MACROD2: variants seen among roughly 807,000 people sequenced by gnomAD.
MACROD2 encodes the protein ADP-ribose glycohydrolase MACROD2.
In MACROD2, 36 loss-of-function variants were observed where a neutral mutation model predicts 70.4. That is an observed-to-expected ratio of 0.51 (90% CI 0.39 to 0.68). The LOEUF is 0.68. MACROD2 is among the 30% of genes least tolerant of loss of function. The pLI is 0.00. For missense variants in MACROD2, 496 were observed against 538.4 expected (o/e 0.92, Z 0.78); for synonymous variants, 172 against 178.8 (o/e 0.96, Z 0.30).
chr20:15,717,674 G>A (rs2050725257), intron 8 of MACROD2, among the ~76,000 whole-genome samples: 1 of 152,180 alleles, frequency 6.6e-6, no homozygotes, highest in South Asian at 2.1e-4. Context: ...GGAGGAGAAA[G>A]AAGAAAGGGT....
intron 4 of MACROD2, among the ~76,000 whole-genome samples, chr20:14,585,385 C>A (rs1202151765): frequency 1.3e-5 from 2 of 152,028 alleles, no homozygotes; most frequent in African/African-American, 2.4e-5. Flanking sequence ...AAAATTAAGC[C>A]TTTTAGAATC....
intron 7 of MACROD2, among the ~76,000 whole-genome samples, chr20:15,445,512 G>A (rs1258005125): frequency 1.3e-5 from 2 of 152,142 alleles, no homozygotes; most frequent in Non-Finnish European, 2.9e-5. Flanking sequence ...GTGAAGTTAT[G>A]TGTTGTAAGA....
intron 8 of MACROD2, among the ~76,000 whole-genome samples, chr20:15,672,904 A>C (rs2050001197): frequency 6.6e-6 from 1 of 152,072 alleles, no homozygotes; most frequent in Non-Finnish European, 1.5e-5. Context: ...TGTTCTTGTG[A>C]CAGTGAATAG....
chr20:15,644,752 C>T lies in MACROD2; in HGVS notation c.645+144905C>T, dbSNP rs187225196. The stretch of plus-strand genomic sequence containing the variant: ...TTGCCTAGGCTGGAGTACAATGGCA[C>T]GGTCTCGGCTCAGTGCAACCTCCGC... On this transcript the variant is annotated intron_variant, in intron 8 of 17. Coordinates refer to ENST00000684519, the MANE Select transcript of MACROD2 (RefSeq NM_001351661.2). 6.6e-5 allele frequency among the ~76,000 whole-genome samples: 10 copies of T among 152,236 alleles called. No individual in the cohort carries two copies. In the East Asian group the frequency reaches 1.4e-3, roughly 21 times the overall value.
intron 3 of MACROD2, among the ~76,000 whole-genome samples, chr20:14,180,160 T>C (rs1441808356): frequency 6.6e-6 from 1 of 152,054 alleles, no homozygotes; most frequent in Non-Finnish European, 1.5e-5. Flanking sequence ...ATTTCTGTTC[T>C]CTAGACTGTT....
chr20:14,858,840 TA>T lies in MACROD2; in HGVS notation c.418+173883del, dbSNP rs1255581353. Among the ~76,000 whole-genome samples, 5 of 152,260 alleles carry T rather than the reference TA, an allele frequency of 3.3e-5. No individual in the cohort carries two copies. In the East Asian group the frequency reaches 9.7e-4, roughly 29 times the overall value. ...AGTTCATCTGTCTGTAAAATGGTGA[TA>T]ATAGTAGTACTCACCTCAAAGGTTG... On this transcript the variant is annotated intron_variant, in intron 5 of 17. Coordinates refer to ENST00000684519, the MANE Select transcript of MACROD2 (RefSeq NM_001351661.2).
intron 5 of MACROD2, among the ~76,000 whole-genome samples, chr20:14,968,344 T>A (rs563972355): frequency 6.6e-6 from 1 of 152,268 alleles, no homozygotes; most frequent in South Asian, 2.1e-4. Flanking sequence ...TGGTCCTTTC[T>A]CAATTTGTCA....
chr20:14,357,416 GAT>G (rs993037849), intron 3 of MACROD2, among the ~76,000 whole-genome samples: 32 of 152,204 alleles, frequency 2.1e-4, no homozygotes, highest in African/African-American at 6.3e-4. Flanking sequence ...TAAATGAAAA[GAT>G]AAACTTTTTT....
intron 6 of MACROD2, among the ~76,000 whole-genome samples, chr20:15,359,045 TA>T (rs985192375): frequency 2.0e-5 from 3 of 152,152 alleles, no homozygotes; most frequent in African/African-American, 7.2e-5. Flanking sequence ...AATTTTATGT[TA>T]GGGGCCTACG....
chr20:14,321,357 TC>T (rs2082658941), intron 3 of MACROD2, among the ~76,000 whole-genome samples: 1 of 49,926 alleles, frequency 2.0e-5, no homozygotes, highest in Non-Finnish European at 4.4e-5. Flanking sequence ...AGAGTGATAC[TC>T]CATCTCAAAA....
chr20:14,595,554 A>C (rs1180608435), intron 4 of MACROD2, among the ~76,000 whole-genome samples: 1 of 152,144 alleles, frequency 6.6e-6, no homozygotes, highest in East Asian at 1.9e-4. Flanking sequence ...TGACTATATA[A>C]AATTTCTTTA....
intron 4 of MACROD2, among the ~76,000 whole-genome samples, chr20:14,533,536 T>A (rs773194519): frequency 6.6e-6 from 1 of 152,136 alleles, no homozygotes; most frequent in Non-Finnish European, 1.5e-5. Context: ...AACCATTTGA[T>A]CTTGAAAAAA....
Position 16,014,548 on chromosome 20 carries a change from G to A in MACROD2, c.1154-26653G>A, listed in dbSNP as rs115884496. Among the ~76,000 whole-genome samples, 893 of 152,332 alleles carry A rather than the reference G, an allele frequency of 5.9e-3. 6 individuals carry two copies. The highest frequency in any genetic ancestry group is 0.019 in the African/African-American group (784 of 41,582). On this transcript the variant is annotated intron_variant, in intron 15 of 17. Coordinates refer to ENST00000684519, the MANE Select transcript of MACROD2 (RefSeq NM_001351661.2). ...TCATTTGTAAAGCAACCAGCCTTCT[G>A]TTCCACTACAGAGTCTGTGTGCTAG...
intron 5 of MACROD2, among the ~76,000 whole-genome samples, chr20:14,876,413 A>G (rs902583467): frequency 6.6e-6 from 1 of 152,036 alleles, no homozygotes; most frequent in Admixed American, 6.6e-5. Context: ...CCCATTCTGT[A>G]GGTTGTCTGT....
intron 5 of MACROD2, among the ~76,000 whole-genome samples, chr20:14,841,025 A>G (rs1368684616): frequency 6.6e-6 from 1 of 152,184 alleles, no homozygotes; most frequent in Admixed American, 6.5e-5. Context: ...GGTCAAAACT[A>G]AGAATAACTC....
intron 6 of MACROD2, among the ~76,000 whole-genome samples, chr20:15,303,113 A>G (rs6135380): frequency 0.17 from 25,191 of 152,196 alleles, 2,541 homozygotes; most frequent in Non-Finnish European, 0.23. Context: ...TCATACCTTT[A>G]AACATGTATC....
At chr20:15,044,711 GTTAACAGTGCCT>G (rs2075379987) in intron 5 of MACROD2, among the ~76,000 whole-genome samples, 2 of 152,140 alleles carry the variant, frequency 1.3e-5, no homozygotes, top group Non-Finnish European at 2.9e-5. Flanking sequence ...GCTTGAAAAT[GTTAACAGTGCCT>G]GCTTGCTAAC....
intron 5 of MACROD2, among the ~76,000 whole-genome samples, chr20:14,965,453 CTTTTTTTTTTTTTT>C (rs532870999): frequency 2.9e-5 from 2 of 68,052 alleles, no homozygotes; most frequent in African/African-American, 5.4e-5. Flanking sequence ...ATTTTTTTTT[CTTTTTTTTTTTTTT>C]TTTTTTTTTT....
At chr20:14,435,221 T>A (rs1285200807) in intron 3 of MACROD2, among the ~76,000 whole-genome samples, 3 of 152,188 alleles carry the variant, frequency 2.0e-5, no homozygotes, top group African/African-American at 7.2e-5. Flanking sequence ...AACCTCTGCC[T>A]CCATCTTCAT....
Sources: gnomAD v4.1 joint callset for allele counts (sites outside exome capture counted in the v4.1 genomes callset) on GRCh38, gnomAD v4.1.1 for gene constraint, MANE v1.5 for transcripts, NCBI Gene and HGNC (gene_info 2026-07-23, HGNC 2026-07-21) for gene names.